Variants in SLC2A13 observed in about 807,000 individuals in gnomAD.
The protein encoded by SLC2A13 is proton myo-inositol cotransporter.
A neutral mutation model predicts 64.4 loss-of-function variants in SLC2A13; 32 were observed. The observed-to-expected ratio is 0.50, with a 90% CI of 0.37 to 0.67. SLC2A13 has a LOEUF of 0.67. SLC2A13 is among the 30% of genes least tolerant of loss of function. The pLI is 0.00. For synonymous variants in SLC2A13, 338 were observed against 327.1 expected (o/e 1.03, Z -0.36); for missense variants, 743 against 829.2 (o/e 0.90, Z 1.28).
chr12:40,028,258 A>G, intron 3 of SLC2A13, 43 bp downstream of exon 3: 2 of 1,443,246 alleles, frequency 1.4e-6, no homozygotes, highest in Non-Finnish European at 1.9e-6. Context: ...AAATAAGACC[A>G]CTGTATAGTT....
chr12:40,005,486 C>G (rs2136188014), intron 3 of SLC2A13, among the ~76,000 whole-genome samples: 1 of 152,244 alleles, frequency 6.6e-6, no homozygotes, highest in South Asian at 2.1e-4. Flanking sequence ...GAGACCAACT[C>G]AGAAAGTAAG....
chr12:39,937,050 G>A (rs577322521), intron 4 of SLC2A13, among the ~76,000 whole-genome samples: 2 of 152,126 alleles, frequency 1.3e-5, no homozygotes, highest in Non-Finnish European at 2.9e-5. Context: ...AAGCCATGAA[G>A]GAGATTTAAG....
intron 4 of SLC2A13, among the ~76,000 whole-genome samples, chr12:39,924,742 G>T (rs1268895926): frequency 2.0e-5 from 3 of 152,062 alleles, no homozygotes; most frequent in Non-Finnish European, 4.4e-5. Context: ...AGTATTTGGT[G>T]AAAATACTAG....
chr12:39,822,414 A>G (rs1942548365), intron 7 of SLC2A13, among the ~76,000 whole-genome samples: 1 of 152,194 alleles, frequency 6.6e-6, no homozygotes, highest in Admixed American at 6.5e-5. Context: ...AAATTAAAAT[A>G]TCTAAATAAG....
intron 1 of SLC2A13, among the ~76,000 whole-genome samples, chr12:40,067,892 T>C (rs993829297): frequency 2.6e-5 from 4 of 152,160 alleles, no homozygotes; most frequent in African/African-American, 9.7e-5. Context: ...TTGCTTCCGG[T>C]GAAAATTGCT....
intron 4 of SLC2A13, among the ~76,000 whole-genome samples, chr12:39,942,021 A>C (rs942834213): frequency 6.6e-6 from 1 of 152,078 alleles, no homozygotes; most frequent in Non-Finnish European, 1.5e-5. Context: ...GTTGGCCTTA[A>C]GGATTTGGGT....
At chr12:39,764,950 C>CTTAA in intron 7 of SLC2A13, 92 bp from the exon 8 acceptor site, 2 of 1,397,684 alleles carry the variant, frequency 1.4e-6, no homozygotes, top group South Asian at 2.7e-5. Context: ...TTGGAAATTC[C>CTTAA]TTAATGTCTT....
chr12:39,925,644 T>C (rs1303454539), intron 4 of SLC2A13, among the ~76,000 whole-genome samples: 1 of 152,188 alleles, frequency 6.6e-6, no homozygotes, highest in Non-Finnish European at 1.5e-5. Flanking sequence ...TATTTTTTAA[T>C]GGCTAAATCT....
intron 4 of SLC2A13, among the ~76,000 whole-genome samples, chr12:39,888,627 G>C (rs1311915342): frequency 6.6e-6 from 1 of 152,148 alleles, no homozygotes; most frequent in Non-Finnish European, 1.5e-5. Context: ...TACCTGACAG[G>C]ACAGAATTGC....
At chr12:39,926,785 T>A (rs191733186) in intron 4 of SLC2A13, among the ~76,000 whole-genome samples, 88 of 152,168 alleles carry the variant, frequency 5.8e-4, no homozygotes, top group African/African-American at 2.1e-3. Flanking sequence ...TAGGCGAGCT[T>A]TTTAATTTTT....
intron 7 of SLC2A13, among the ~76,000 whole-genome samples, chr12:39,769,144 C>T (rs1319783413): frequency 6.6e-6 from 1 of 152,038 alleles, no homozygotes; most frequent in Non-Finnish European, 1.5e-5. Context: ...CCTAATGATG[C>T]TTATTTTATC....
At chr12:39,770,295 A>C (rs1456104516) in intron 7 of SLC2A13, among the ~76,000 whole-genome samples, 3 of 152,128 alleles carry the variant, frequency 2.0e-5, no homozygotes, top group Admixed American at 1.3e-4. Context: ...AAGTACCTAA[A>C]ATAGCAGAGT....
chr12:40,105,227 G>C lies in SLC2A13; in HGVS notation c.556+26C>G. On this transcript the variant is annotated intron_variant, in intron 1 of 9. Transcript: ENST00000280871. This position sits in a 1 kb window ranked among gnomAD's most constrained non-coding sequence, Gnocchi z 4.2. The stretch of plus-strand genomic sequence containing the variant: ...AAGGGCGGTGACAATGGGATCCCGG[G>C]CGCCCTTCACGGAGCCCGAACTCAC... 1 of 1,537,274 alleles carries C rather than the reference G, an allele frequency of 6.5e-7. No individual in the cohort carries two copies. The highest frequency in any genetic ancestry group is 8.7e-7 in the Non-Finnish European group (1 of 1,145,922).
intron 4 of SLC2A13, among the ~76,000 whole-genome samples, chr12:39,874,692 G>A (rs1306655210): frequency 6.6e-6 from 1 of 151,908 alleles, no homozygotes; most frequent in East Asian, 1.9e-4. Context: ...CTGTTATGGA[G>A]GGGACTTGAA....
At chr12:40,045,871 C>T (rs1306648272) in intron 2 of SLC2A13, among the ~76,000 whole-genome samples, 1 of 152,154 alleles carries the variant, frequency 6.6e-6, no homozygotes, top group Non-Finnish European at 1.5e-5. Flanking sequence ...TCATGCTTCC[C>T]ACAGCAGCAA....
At chr12:39,799,441 C>A (rs1941704157) in intron 7 of SLC2A13, among the ~76,000 whole-genome samples, 1 of 81,794 alleles carries the variant, frequency 1.2e-5, no homozygotes, top group Non-Finnish European at 3.0e-5. Context: ...CCATTAGGAT[C>A]CTCTACACGG....
chr12:39,834,188 ATC>A (rs1442597049), intron 6 of SLC2A13, among the ~76,000 whole-genome samples: 1 of 152,036 alleles, frequency 6.6e-6, no homozygotes. Context: ...TCTCTTGTTA[ATC>A]TCTCTTTTGT....
rs185147645 is a variant in SLC2A13 at position 39,985,011 on chromosome 12, A to C, written c.926-33646T>G. Among the ~76,000 whole-genome samples, 111 of 152,210 alleles carry C rather than the reference A, an allele frequency of 7.3e-4. 1 individual carries two copies. The highest frequency in any genetic ancestry group is 4.3e-4 in the Non-Finnish European group (29 of 68,000). On this transcript the variant is annotated intron_variant, in intron 3 of 9. Transcript: ENST00000280871. ...ATATCATAACTAGAATACCAAACCCACCAGTTTGCTTCTGTTACCTATACT... is the reference window on the plus strand; with the variant it reads ...ATATCATAACTAGAATACCAAACCCCCCAGTTTGCTTCTGTTACCTATACT...
At chr12:39,844,676 A>T (rs1424597745) in intron 6 of SLC2A13, among the ~76,000 whole-genome samples, 1 of 152,112 alleles carries the variant, frequency 6.6e-6, no homozygotes, top group Non-Finnish European at 1.5e-5. Context: ...TCATACACTC[A>T]GCTTTCAATG....
Sources: allele counts gnomAD v4.1 joint callset (sites outside exome capture counted in the v4.1 genomes callset), GRCh38; gene constraint gnomAD v4.1.1; non-coding constraint Gnocchi (gnomAD v3.1); transcripts MANE v1.5; gene names NCBI Gene and HGNC (gene_info 2026-07-23, HGNC 2026-07-21).